UBN2: variants seen among roughly 807,000 people sequenced by gnomAD.
The protein encoded by UBN2 is ubinuclein-2.
UBN2 carries 35 observed loss-of-function variants against 120.2 expected under a neutral mutation model. The ratio of observed to expected loss-of-function variants is 0.29; its 90% CI spans 0.22 to 0.39. The LOEUF is 0.39. Ranked by LOEUF, UBN2 falls within the 10% of genes least tolerant of loss-of-function variation. The probability of loss-of-function intolerance (pLI) is 1.00; values close to 1 mark genes in which losing one functional copy is unlikely to be tolerated. For synonymous variants in UBN2, 661 were observed against 648.7 expected, an observed-to-expected ratio of 1.02 and a Z score of -0.29; for missense variants, 1,693 against 1,663.2, an observed-to-expected ratio of 1.02 and a Z score of -0.31.
the UBN2 span, among the ~76,000 whole-genome samples, chr7:139,327,090 A>G: frequency 2.0e-5 from 3 of 152,108 alleles, no homozygotes; most frequent in Non-Finnish European, 2.9e-5. Flanking sequence ...CTGGAATGCA[A>G]TGGCGCGATC....
At chr7:139,244,445 A>G (rs1197372311) in intron 2 of UBN2, among the ~76,000 whole-genome samples, 1 of 152,086 alleles carries the variant, frequency 6.6e-6, no homozygotes, top group Non-Finnish European at 1.5e-5. Context: ...GGCAGAGAAG[A>G]TAAATGTCTT....
At chr7:139,316,779 G>A in the UBN2 span, among the ~76,000 whole-genome samples, 15 of 151,728 alleles carry the variant, frequency 9.9e-5, no homozygotes, top group South Asian at 2.1e-4. Flanking sequence ...GTGTGTGTGT[G>A]TATATATATA....
chr7:139,316,095 AAAAAAAAAAAAAG>A, the UBN2 span, among the ~76,000 whole-genome samples: 66 of 141,416 alleles, frequency 4.7e-4, 2 homozygotes, highest in African/African-American at 1.3e-3. Flanking sequence ...AAAAAAAAAA[AAAAAAAAAAAAAG>A]GGGTTCCAGT....
chr7:139,246,562 G>C (rs1218184775), intron 2 of UBN2, among the ~76,000 whole-genome samples: 1 of 152,102 alleles, frequency 6.6e-6, no homozygotes, highest in Non-Finnish European at 1.5e-5. Context: ...GCATTATTGA[G>C]GTATAATTTA....
At chr7:139,321,132 G>A in the UBN2 span, among the ~76,000 whole-genome samples, 2 of 152,164 alleles carry the variant, frequency 1.3e-5, no homozygotes, top group Non-Finnish European at 2.9e-5. Flanking sequence ...AACATTAGGT[G>A]CCAAGTACTT....
rs189215966 is a variant in UBN2, at chr7:139,250,206, A to T, written c.562-1750A>T. 2.3e-3 allele frequency among the ~76,000 whole-genome samples: 350 copies of T among 152,122 alleles called. 1 individual carries two copies. Among genetic ancestry groups the T allele is most frequent in the Non-Finnish European group, 3.6e-3 (243 of 67,990 alleles). ...AGCTATAACCATACCATGGCACTCT[A>T]GTCTGGGCTACAGAGCCAGACCTTG... is the stretch of plus-strand genomic sequence containing the variant. On this transcript the variant is annotated intron_variant, in intron 2 of 17. Transcript: ENST00000473989.
intron 11 of UBN2, among the ~76,000 whole-genome samples, chr7:139,274,841 A>T (rs1797393441): frequency 6.6e-6 from 1 of 152,000 alleles, no homozygotes; most frequent in South Asian, 2.1e-4. Context: ...TAATCTCAGC[A>T]CTTTGGAAGG....
chr7:139,290,581 A>G (rs951019664), intron 15 of UBN2, among the ~76,000 whole-genome samples: 52 of 152,382 alleles, frequency 3.4e-4, no homozygotes, highest in African/African-American at 1.2e-3. Context: ...GGGGGAACCC[A>G]TTGGAGAAGA....
At chr7:139,242,036 T>C (rs1247002521) in intron 2 of UBN2, among the ~76,000 whole-genome samples, 2 of 152,070 alleles carry the variant, frequency 1.3e-5, no homozygotes, top group Admixed American at 1.3e-4. Flanking sequence ...TTTGTATAAC[T>C]TGTAAAAGTG....
rs1413627936 is a variant in UBN2, at chr7:139,307,534, T to C, written c.*9698T>C. The stretch of plus-strand genomic sequence containing the variant: ...AAAGGGGGTGGTGATGACATGTGAA[T>C]GGGTGCGGGTATGTGTGCGTGTGTG... On this transcript the variant is annotated 3_prime_UTR_variant, in exon 18 of 18. Coordinates refer to ENST00000473989, the MANE Select transcript of UBN2 (RefSeq NM_173569.4). 1.3e-5 allele frequency: 2 copies of C among 151,732 alleles called. No homozygotes were observed. The highest frequency in any genetic ancestry group is 2.9e-5 in the Non-Finnish European group (2 of 67,944). The allele number at this position is 151,732 out of a possible 1,614,324, so 9.4% of individuals were successfully genotyped here.
intron 1 of UBN2, among the ~76,000 whole-genome samples, chr7:139,232,837 G>T (rs1796065937): frequency 1.3e-5 from 2 of 152,182 alleles, no homozygotes. Context: ...GATGTAAGAG[G>T]TGAACAATGG....
In UBN2 at chr7:139,258,601, C is replaced by A; in HGVS notation, c.777C>A (p.Asp259Glu). The A allele has an allele frequency of 6.2e-7, 1 of 1,600,704 alleles. No individual in the cohort carries two copies. Among genetic ancestry groups the A allele is most frequent in the African/African-American group, 1.3e-5 (1 of 74,558 alleles). ...ATACTGAAGAAGATGATATTACAGACAACCAAAAGCACAAGCCACCCAAGG... is the reference window on the plus strand; with the variant it reads ...ATACTGAAGAAGATGATATTACAGAAAACCAAAAGCACAAGCCACCCAAGG... ...ASDTEEDDIT[D>E]NQKHKPPKVP... Residue 259 changes from aspartate (D) to glutamate (E), a missense_variant, in exon 4 of 18, where the codon GAC (aspartate) becomes GAA (glutamate). Physicochemically the swap from Asp to Glu is conservative, Grantham distance 45. Transcript: ENST00000473989.
In UBN2 at chr7:139,263,834, A is replaced by G. The variant is rs186995227; in HGVS notation, c.1395+2093A>G. Among the ~76,000 whole-genome samples, 109 of 152,184 alleles carry G rather than the reference A, an allele frequency of 7.2e-4. 1 individual carries two copies. The South Asian group carries it at 0.011, about 15-fold the overall frequency. On this transcript the variant is annotated intron_variant, in intron 6 of 17. Coordinates refer to ENST00000473989, the MANE Select transcript of UBN2 (RefSeq NM_173569.4). ...AAGTAGGTTCCAAAAGTATTGTATGACATTTTTGTTTATATACATGTGTGA... is the reference window on the plus strand; with the variant it reads ...AAGTAGGTTCCAAAAGTATTGTATGGCATTTTTGTTTATATACATGTGTGA...
intron 15 of UBN2, among the ~76,000 whole-genome samples, chr7:139,286,473 T>C (rs1266506144): frequency 1.3e-5 from 2 of 152,222 alleles, no homozygotes; most frequent in East Asian, 1.9e-4. Flanking sequence ...GTTAATGATT[T>C]AGTTTCTTTA....
At chr7:139,259,166 C>T (rs1796854057) in intron 4 of UBN2, 101 bp from the exon 5 acceptor site, 3 of 1,505,318 alleles carry the variant, frequency 2.0e-6, no homozygotes, top group African/African-American at 2.8e-5. Flanking sequence ...TTGTAATGCA[C>T]ACTGACATTT....
chr7:139,231,623 G>T lies in UBN2; in HGVS notation c.139G>T (p.Ala47Ser). ...GGAGCCGCAGCCGTACCGCGAGCCG[G>T]CCCGGGCGGAGCCGCCGGCCCCGCG... Reference protein sequence around the residue: ...RLEPQPYREPARAEPPAPREP... With the variant: ...RLEPQPYREPSRAEPPAPREP... The change falls in exon 1 of 18, where the codon GCC becomes TCC. Residue 47 changes from alanine (A) to serine (S), a missense_variant. Physicochemically the swap from Ala to Ser is moderately conservative, Grantham distance 99. This residue lies in a region of UBN2 where 663 missense variants were observed against 591.2 expected (regional missense o/e 1.12). Coordinates refer to ENST00000473989, the MANE Select transcript of UBN2 (RefSeq NM_173569.4). 7.8e-7 allele frequency: 1 copy of T among 1,281,092 alleles called. No homozygotes were observed. Among genetic ancestry groups the T allele is most frequent in the Non-Finnish European group, 9.9e-7 (1 of 1,013,366 alleles). The allele number at this position is 1,281,092 out of a possible 1,614,324, so 79.4% of individuals were successfully genotyped here. A position where few individuals can be genotyped will look rare whatever the true frequency, so the allele number is the denominator to read the frequency against.
In UBN2 at chr7:139,237,114, G is replaced by A; in HGVS notation, c.561+17G>A. ...ATGAAATATGTGAGTATAATAAACT[G>A]ATCACTTAGGTAATTTTATCCTATT... On this transcript the variant is annotated intron_variant, in intron 2 of 17. Transcript: ENST00000473989. The A allele has an allele frequency of 2.6e-6, 4 of 1,561,320 alleles. No homozygotes were observed. Among genetic ancestry groups the A allele is most frequent in the Non-Finnish European group, 3.5e-6 (4 of 1,138,536 alleles).
chr7:139,234,236 C>G (rs968239611), intron 1 of UBN2, among the ~76,000 whole-genome samples: 1 of 151,934 alleles, frequency 6.6e-6, no homozygotes, highest in Non-Finnish European at 1.5e-5. Context: ...AAATAGCCAT[C>G]TATCACTAAA....
chr7:139,326,472 C>A, the UBN2 span, among the ~76,000 whole-genome samples: 1 of 152,150 alleles, frequency 6.6e-6, no homozygotes, highest in East Asian at 1.9e-4. Context: ...AACACATCAC[C>A]CTTTGACAAA....
Sources: gnomAD v4.1 joint callset for allele counts (sites outside exome capture counted in the v4.1 genomes callset) on GRCh38, gnomAD v4.1.1 for gene constraint, gnomAD v4.1.1 regional missense constraint, MANE v1.5 for transcripts, NCBI Gene and HGNC (gene_info 2026-07-23, HGNC 2026-07-21) for gene names.